Variants in KCNJ15 observed in about 807,000 individuals in gnomAD.
The protein encoded by KCNJ15 is potassium inwardly rectifying channel subfamily J member 15.
KCNJ15 carries 14 observed loss-of-function variants against 23.0 expected under a neutral mutation model. That is an observed-to-expected ratio of 0.61 (90% CI 0.40 to 0.95). KCNJ15 has a LOEUF of 0.95. KCNJ15 is among the 40% of genes least tolerant of loss of function. The pLI is 0.00. For synonymous variants in KCNJ15, 185 were observed against 183.2 expected (o/e 1.01, Z -0.08); for missense variants, 388 against 461.8 (o/e 0.84, Z 1.46).
At chr21:38,284,629 T>A (rs1360297358) in intron 1 of KCNJ15, among the ~76,000 whole-genome samples, 5 of 152,224 alleles carry the variant, frequency 3.3e-5, no homozygotes, top group Admixed American at 6.5e-5. Flanking sequence ...GCAAGTTTGA[T>A]CCTTTCTCTT....
intron 1 of KCNJ15, among the ~76,000 whole-genome samples, chr21:38,249,930 T>G (rs140792847): frequency 1.3e-5 from 2 of 152,292 alleles, no homozygotes; most frequent in African/African-American, 4.8e-5. Flanking sequence ...CTAGGAAATG[T>G]TTGCTGAATT....
Position 38,234,375 on chromosome 21 carries a change from C to T in KCNJ15, c.-398-22671C>T, listed in dbSNP as rs1978462280. ...TAGGGAAGCCAAAAGATTGGACACC[C>T]TTGTGTCCAATTATTCTACACAATA... On this transcript the variant is annotated intron_variant, in intron 1 of 4. Coordinates refer to the KCNJ15 transcript ENST00000547341. Among the ~76,000 whole-genome samples the T allele has an allele frequency of 3.3e-5, 5 of 152,322 alleles. No individual in the cohort carries two copies. The South Asian group carries it at 6.2e-4, about 19-fold the overall frequency.
At chr21:38,232,565 T>C (rs2123534348) in intron 1 of KCNJ15, among the ~76,000 whole-genome samples, 1 of 152,024 alleles carries the variant, frequency 6.6e-6, no homozygotes, top group East Asian at 1.9e-4. Flanking sequence ...CTTTCTTCTT[T>C]TATAATGTAG....
intron 1 of KCNJ15, chr21:38,238,388 G>C (rs575006844): frequency 4.2e-6 from 3 of 715,834 alleles, no homozygotes; most frequent in East Asian, 5.7e-5. Context: ...CCATCAGCCA[G>C]AATCAGCACC....
chr21:38,267,666 T>C (rs574594973), intron 1 of KCNJ15, among the ~76,000 whole-genome samples: 1 of 152,184 alleles, frequency 6.6e-6, no homozygotes, highest in African/African-American at 2.4e-5. Flanking sequence ...AACAGTGGAA[T>C]AGGAAGGCTT....
chr21:38,255,661 G>T (rs1980155429), upstream of KCNJ15, among the ~76,000 whole-genome samples: 1 of 152,186 alleles, frequency 6.6e-6, no homozygotes. Flanking sequence ...TGAGTCAGCA[G>T]GGAGAGGGGG....
chr21:38,273,739 G>T (rs1355166853), intron 1 of KCNJ15, among the ~76,000 whole-genome samples: 1 of 152,198 alleles, frequency 6.6e-6, no homozygotes, highest in Non-Finnish European at 1.5e-5. Flanking sequence ...ATAGTTAAAC[G>T]ATCAACATAA....
Position 38,304,095 on chromosome 21 carries a change from T to C in KCNJ15, c.*3706T>C, listed in dbSNP as rs1251291693. 3 of 152,060 alleles carry C rather than the reference T, an allele frequency of 2.0e-5. No individual in the cohort carries two copies. Among genetic ancestry groups the C allele is most frequent in the Non-Finnish European group, 4.4e-5 (3 of 68,014 alleles). 9.4% of individuals were successfully genotyped at this position (152,060 alleles called of 1,614,324 possible). A position where few individuals can be genotyped will look rare whatever the true frequency, so the allele number is the denominator to read the frequency against. ...TGAACTTGAAAATCAGCTTTTTATT[T>C]TTTTTAATTTTATTATTATTATACT... On this transcript the variant is annotated 3_prime_UTR_variant, in exon 3 of 3. Coordinates refer to ENST00000398938, the MANE Select transcript of KCNJ15 (RefSeq NM_170736.3).
In KCNJ15 at chr21:38,300,180, T is replaced by G. The variant is rs911145147; in HGVS notation, c.919T>G (p.Trp307Gly). The change falls in exon 3 of 3, where the codon TGG (tryptophan) becomes GGG (glycine). Residue 307 changes from tryptophan (W) to glycine (G), a missense_variant. By Grantham distance (184) the Trp-to-Gly change is radical. Coordinates refer to ENST00000398938, the MANE Select transcript of KCNJ15 (RefSeq NM_170736.3). Reference protein sequence around the residue: ...RTSYIPEEIYWGFEFVPVVSL... With the variant: ...RTSYIPEEIYGGFEFVPVVSL... ...ATCTTATATCCCAGAGGAAATCTAC[T>G]GGGGTTTTGAGTTTGTGCCTGTGGT... 2 of 1,613,996 alleles carry G rather than the reference T, an allele frequency of 1.2e-6. No homozygotes were observed. Among genetic ancestry groups the G allele is most frequent in the African/African-American group, 2.7e-5 (2 of 74,900 alleles).
intron 1 of KCNJ15, among the ~76,000 whole-genome samples, chr21:38,262,683 CTT>C (rs376137670): frequency 4.1e-5 from 6 of 145,984 alleles, no homozygotes; most frequent in Middle Eastern, 3.6e-3. Context: ...CATCTGACAT[CTT>C]TTTTTTTTTT....
At chr21:38,259,440 G>A (rs1302681923) in intron 1 of KCNJ15, among the ~76,000 whole-genome samples, 7 of 152,212 alleles carry the variant, frequency 4.6e-5, no homozygotes, top group South Asian at 2.1e-4. Flanking sequence ...TACAGCTACC[G>A]TTATTTTTTT....
intron 1 of KCNJ15, among the ~76,000 whole-genome samples, chr21:38,266,115 G>A (rs1981435657): frequency 6.6e-6 from 1 of 152,068 alleles, no homozygotes; most frequent in South Asian, 2.1e-4. Context: ...GGCCAGGCAG[G>A]GCTCTAAGTA....
chr21:38,280,938 C>G (rs2836279), intron 1 of KCNJ15, among the ~76,000 whole-genome samples: 1 of 151,942 alleles, frequency 6.6e-6, no homozygotes, highest in African/African-American at 2.4e-5. Flanking sequence ...AACACAGTCA[C>G]TCAAACCATT....
Position 38,301,981 on chromosome 21 carries a change from T to G in KCNJ15, c.*1592T>G, listed in dbSNP as rs7282578. On this transcript the variant is annotated 3_prime_UTR_variant, in exon 3 of 3. Coordinates refer to ENST00000398938, the MANE Select transcript of KCNJ15 (RefSeq NM_170736.3). ...AGTCACACACGCACACACACACACA[T>G]GCACACACGCGCGTGCACACACGCA... 1.3e-5 allele frequency: 2 copies of G among 151,826 alleles called. No homozygotes were observed. Among genetic ancestry groups the G allele is most frequent in the Non-Finnish European group, 2.9e-5 (2 of 67,958 alleles). 9.4% of individuals were successfully genotyped at this position (151,826 alleles called of 1,614,324 possible).
chr21:38,243,710 C>T (rs559851707), intron 1 of KCNJ15, among the ~76,000 whole-genome samples: 1 of 152,374 alleles, frequency 6.6e-6, no homozygotes, highest in African/African-American at 2.4e-5. Flanking sequence ...GCGTGAGCCA[C>T]CATGCCCAGC....
chr21:38,240,896 T>C lies in KCNJ15; in HGVS notation c.-398-16150T>C, dbSNP rs114609539. ...CATCTCGCATTCAGGGCTTTCATACTCAACAGGTGGTACCAGCCACTGGTG... is the reference window on the plus strand; with the variant it reads ...CATCTCGCATTCAGGGCTTTCATACCCAACAGGTGGTACCAGCCACTGGTG... On this transcript the variant is annotated intron_variant, in intron 1 of 4. Transcript: ENST00000547341. 3.7e-3 allele frequency among the ~76,000 whole-genome samples: 563 copies of C among 152,312 alleles called. 5 individuals carry two copies. The highest frequency in any genetic ancestry group is 0.013 in the African/African-American group (530 of 41,564).
intron 1 of KCNJ15, among the ~76,000 whole-genome samples, chr21:38,266,335 A>G (rs1981461810): frequency 1.3e-5 from 2 of 151,982 alleles, no homozygotes; most frequent in Admixed American, 1.3e-4. Flanking sequence ...TCCCCTCCCT[A>G]TGCCCATGTA....
At position 38,306,276 on chromosome 21, in the gene KCNJ15, C is replaced by T. The variant is rs1323068704; in HGVS notation, c.*5887C>T. 6.6e-6 allele frequency: 1 copy of T among 151,952 alleles called. No homozygotes were observed. The highest frequency in any genetic ancestry group is 1.5e-5 in the Non-Finnish European group (1 of 68,022). 9.4% of individuals were successfully genotyped at this position (151,952 alleles called of 1,614,324 possible). A position where few individuals can be genotyped will look rare whatever the true frequency, so the allele number is the denominator to read the frequency against. ...CCCACCTACTTAAAATTTCAAATTT[C>T]ACCCTCAAAAATATTTCAGTAAATA... is the stretch of plus-strand genomic sequence containing the variant. On this transcript the variant is annotated 3_prime_UTR_variant, in exon 3 of 3. Coordinates refer to ENST00000398938, the MANE Select transcript of KCNJ15 (RefSeq NM_170736.3).
At chr21:38,280,977 T>G (rs1983271353) in intron 1 of KCNJ15, among the ~76,000 whole-genome samples, 1 of 152,174 alleles carries the variant, frequency 6.6e-6, no homozygotes, top group East Asian at 1.9e-4. Context: ...GTTGTCCAGA[T>G]GAGGAACAGT....
Sources: gnomAD v4.1 joint callset for allele counts (sites outside exome capture counted in the v4.1 genomes callset) on GRCh38, gnomAD v4.1.1 for gene constraint, MANE v1.5 for transcripts, NCBI Gene and HGNC (gene_info 2026-07-23, HGNC 2026-07-21) for gene names.